Variants in SLC35F4 observed in about 807,000 individuals in gnomAD.
SLC35F4 encodes chromosome 14 open reading frame 36.
In SLC35F4, 24 loss-of-function variants were observed where a neutral mutation model predicts 44.2. That is an observed-to-expected ratio of 0.54 (90% CI 0.39 to 0.76). The LOEUF (loss-of-function observed/expected upper bound fraction) is 0.76, where lower values mean the gene tolerates loss of function less well. Among genes scored for constraint, SLC35F4 ranks in the 30% least tolerant of loss-of-function variants. SLC35F4 has a pLI of 0.00. For missense variants in SLC35F4, 562 were observed against 586.1 expected, an observed-to-expected ratio of 0.96 and a Z score of 0.42; for synonymous variants, 238 against 223.6, an observed-to-expected ratio of 1.06 and a Z score of -0.57.
chr14:57,566,554 G>A lies in SLC35F4; in HGVS notation c.1137C>T (p.Ile379=). The change falls in exon 7 of 8, where the codon ATC becomes ATT. Residue 379 remains isoleucine, a synonymous_variant. Transcript: ENST00000556826. ...TCAGCACCACCCCAACATTCACCAG[G>A]ATGTTGAAGGCTGTAAAATAGAGGA... is the stretch of plus-strand genomic sequence containing the variant. The part of the protein sequence containing the change: ...GMAGLWLAFN[I]LVNVGVVLTY... 1 of 1,598,668 alleles carries A rather than the reference G, an allele frequency of 6.3e-7. No homozygotes were observed. Among genetic ancestry groups the A allele is most frequent in the Non-Finnish European group, 8.5e-7 (1 of 1,172,450 alleles).
At chr14:57,674,875 C>A (rs2074638642) in intron 1 of SLC35F4, among the ~76,000 whole-genome samples, 2 of 150,940 alleles carry the variant, frequency 1.3e-5, no homozygotes, top group Admixed American at 1.3e-4. Flanking sequence ...GCTTAGTGAA[C>A]CTGCATCTTC....
intron 1 of SLC35F4, among the ~76,000 whole-genome samples, chr14:57,635,344 GAGT>G (rs762195802): frequency 2.0e-4 from 31 of 152,002 alleles, no homozygotes; most frequent in Non-Finnish European, 3.8e-4. Flanking sequence ...CGAGAGAGAG[GAGT>G]ACTCACTGAA....
chr14:57,870,156 G>GTGTGTGTGTGTGTGTGTGTGTGTC (rs1211320834), upstream of SLC35F4, among the ~76,000 whole-genome samples: 1 of 150,852 alleles, frequency 6.6e-6, no homozygotes, highest in African/African-American at 2.5e-5. Flanking sequence ...GTGTGTGTGT[G>GTGTGTGTGTGTGTGTGTGTGTGTC]TCTGTGTCTC....
rs1044153526 is a variant in SLC35F4, at chr14:57,746,924, T to C, written c.103+118799A>G. 3.9e-5 allele frequency among the ~76,000 whole-genome samples: 6 copies of C among 152,266 alleles called. 1 individual carries two copies. Among genetic ancestry groups the C allele is most frequent in the Admixed American group, 3.9e-4 (6 of 15,284 alleles). ...GATTCAAGTCCATTAGTAAGGGCTTTGAGGTATGGCCATCTACCTGCCATC... is the reference window on the plus strand; with the variant it reads ...GATTCAAGTCCATTAGTAAGGGCTTCGAGGTATGGCCATCTACCTGCCATC... On this transcript the variant is annotated intron_variant, in intron 1 of 7. Coordinates refer to ENST00000556826, the MANE Select transcript of SLC35F4 (RefSeq NM_001306087.2).
At chr14:57,889,450 C>T (rs1028864890) in intron 1 of SLC35F4, among the ~76,000 whole-genome samples, 4 of 152,242 alleles carry the variant, frequency 2.6e-5, no homozygotes, top group African/African-American at 9.6e-5. Flanking sequence ...TGGCCTGCAG[C>T]CATCACTACT....
intron 1 of SLC35F4, among the ~76,000 whole-genome samples, chr14:57,625,572 C>T (rs1257173246): frequency 1.3e-5 from 2 of 152,060 alleles, no homozygotes; most frequent in African/African-American, 4.8e-5. Flanking sequence ...CTACAGAAAC[C>T]AAACAGCATG....
In SLC35F4 at chr14:57,564,114, G is replaced by A; in HGVS notation, c.*21C>T. 18 of 1,612,532 alleles carry A rather than the reference G, an allele frequency of 1.1e-5. No homozygotes were observed. Among genetic ancestry groups the A allele is most frequent in the Non-Finnish European group, 1.4e-5 (17 of 1,179,014 alleles). On this transcript the variant is annotated 3_prime_UTR_variant, in exon 8 of 8. Transcript: ENST00000556826. ...ATATTCACAGAATATACATACACGT[G>A]CATTCAAAATATGTCCCTCTCTAAG...
intron 2 of SLC35F4, among the ~76,000 whole-genome samples, chr14:57,592,195 G>A (rs1204508769): frequency 1.3e-5 from 2 of 152,224 alleles, no homozygotes; most frequent in Admixed American, 6.5e-5. Flanking sequence ...GACAGCAGAG[G>A]CCACTGGAAT....
intron 1 of SLC35F4, among the ~76,000 whole-genome samples, chr14:57,787,639 A>G (rs939871896): frequency 1.3e-5 from 2 of 152,300 alleles, no homozygotes; most frequent in Admixed American, 1.3e-4. Flanking sequence ...TCAGCCAAGA[A>G]TTTTGTATTC....
intron 1 of SLC35F4, among the ~76,000 whole-genome samples, chr14:57,963,624 C>A (rs1054214434): frequency 6.6e-6 from 1 of 151,160 alleles, no homozygotes; most frequent in African/African-American, 2.4e-5. Context: ...GCACGTGGAA[C>A]TGTCTGGGTG....
At chr14:57,672,702 G>T (rs2074557954) in intron 1 of SLC35F4, among the ~76,000 whole-genome samples, 3 of 151,628 alleles carry the variant, frequency 2.0e-5, no homozygotes, top group Admixed American at 2.0e-4. Flanking sequence ...AAACCAAAGA[G>T]AAAAAAATTC....
intron 1 of SLC35F4, among the ~76,000 whole-genome samples, chr14:57,883,799 T>G (rs1176175475): frequency 1.3e-5 from 2 of 152,208 alleles, no homozygotes; most frequent in East Asian, 3.8e-4. Context: ...GGTCCTTTCT[T>G]TCCTAGATCC....
intron 1 of SLC35F4, among the ~76,000 whole-genome samples, chr14:57,757,662 A>G (rs969411301): frequency 1.3e-5 from 2 of 152,026 alleles, no homozygotes; most frequent in Non-Finnish European, 2.9e-5. Context: ...ATATACTTCC[A>G]TTTATTTTCT....
chr14:57,869,496 C>T (rs1338430406), upstream of SLC35F4, among the ~76,000 whole-genome samples: 1 of 151,996 alleles, frequency 6.6e-6, no homozygotes, highest in Non-Finnish European at 1.5e-5. Context: ...GAATAAGACA[C>T]CTAATCTTTC....
chr14:57,645,295 A>C (rs145104992), intron 1 of SLC35F4, among the ~76,000 whole-genome samples: 20,223 of 151,964 alleles, frequency 0.13, 1,594 homozygotes, highest in East Asian at 0.22. Flanking sequence ...CTTTTATTTC[A>C]TTGAGCAGTG....
intron 1 of SLC35F4, among the ~76,000 whole-genome samples, chr14:57,858,362 G>A (rs1422458795): frequency 6.6e-6 from 1 of 151,980 alleles, no homozygotes; most frequent in African/African-American, 2.4e-5. Context: ...CAAAAAGGAT[G>A]AGTTCATGTC....
chr14:57,819,287 A>G (rs144085451), intron 1 of SLC35F4, among the ~76,000 whole-genome samples: 35 of 152,242 alleles, frequency 2.3e-4, no homozygotes, highest in African/African-American at 7.9e-4. Context: ...ATATATAAAG[A>G]TATGTCATAT....
In SLC35F4 at chr14:57,700,071, G is replaced by A. The variant is rs2075493964; in HGVS notation, c.104-105947C>T. Among the ~76,000 whole-genome samples, 3 of 152,228 alleles carry A rather than the reference G, an allele frequency of 2.0e-5. No homozygotes were observed. In the South Asian group the frequency reaches 6.2e-4, roughly 32 times the overall value. ...CCTATACAATCTTAAGTTGCTTAAT[G>A]ATGAGGATACTTTCTAAGAAATGCA... is the stretch of plus-strand genomic sequence containing the variant. On this transcript the variant is annotated intron_variant, in intron 1 of 7. Coordinates refer to ENST00000556826, the MANE Select transcript of SLC35F4 (RefSeq NM_001306087.2).
downstream of SLC35F4, among the ~76,000 whole-genome samples, chr14:57,975,828 C>G (rs1225479981): frequency 6.6e-6 from 1 of 152,070 alleles, no homozygotes; most frequent in Non-Finnish European, 1.5e-5. Flanking sequence ...AAGTGTAGAA[C>G]TAAAAGGATT....
Sources: gnomAD v4.1 joint callset for allele counts (sites outside exome capture counted in the v4.1 genomes callset) on GRCh38, gnomAD v4.1.1 for gene constraint, MANE v1.5 for transcripts, NCBI Gene and HGNC (gene_info 2026-07-23, HGNC 2026-07-21) for gene names.